ADCY5: variants seen among roughly 807,000 people sequenced by gnomAD.
ADCY5 encodes the protein adenylate cyclase type 5.
In ADCY5, 30 loss-of-function variants were observed where a neutral mutation model predicts 119.7. The observed-to-expected ratio is 0.25, with a 90% CI of 0.19 to 0.34. ADCY5 has a LOEUF of 0.34. Ranked by LOEUF, ADCY5 falls within the 10% of genes least tolerant of loss-of-function variation. ADCY5 has a pLI of 1.00. For missense variants in ADCY5, 1,324 were observed against 1,775.2 expected (o/e 0.75, Z 4.57); for synonymous variants, 753 against 762.2 (o/e 0.99, Z 0.20).
At chr3:123,405,092 TG>T (rs1944866738) in intron 1 of ADCY5, among the ~76,000 whole-genome samples, 1 of 152,246 alleles carries the variant, frequency 6.6e-6, no homozygotes, top group African/African-American at 2.4e-5. Context: ...CGACAGCTGC[TG>T]GAAGTGCCAC....
chr3:123,422,045 G>A (rs1945313536), intron 1 of ADCY5, among the ~76,000 whole-genome samples: 1 of 152,126 alleles, frequency 6.6e-6, no homozygotes, highest in Non-Finnish European at 1.5e-5. Context: ...GCCACTCCAG[G>A]GACAGCACAG....
chr3:123,429,368 C>T (rs998691037), intron 1 of ADCY5, among the ~76,000 whole-genome samples: 9 of 152,158 alleles, frequency 5.9e-5, no homozygotes, highest in African/African-American at 2.2e-4. Flanking sequence ...AGGATACTTC[C>T]AAATCCAGAG....
intron 3 of ADCY5, 25 bp from the exon 4 acceptor site, chr3:123,332,700 A>C (rs1436461684): frequency 1.4e-6 from 2 of 1,452,428 alleles, no homozygotes; most frequent in Non-Finnish European, 1.9e-6. Flanking sequence ...GAGGAGGAAG[A>C]CCCTGCTATA....
In ADCY5 at chr3:123,447,476, A is replaced by T; in HGVS notation, c.1070T>A (p.Leu357Gln). Reference protein sequence around the residue: ...MRAAVLSGVLLSALHLAIALR... With the variant: ...MRAAVLSGVLQSALHLAIALR... ...GGCGATGGCCAGGTGGAGGGCGGAC[A>T]GGAGCACCCCGCTGAGCACTGCGGC... Residue 357 changes from leucine (L) to glutamine (Q), a missense_variant, in exon 1 of 21, where the codon CTG becomes CAG. Around this residue, in one of 6 missense-constraint regions of ADCY5, gnomAD observed 585 missense variants for 569.9 expected, o/e 1.03. Coordinates refer to ENST00000462833, the MANE Select transcript of ADCY5 (RefSeq NM_183357.3). 1 of 1,611,352 alleles carries T rather than the reference A, an allele frequency of 6.2e-7. No individual in the cohort carries two copies.
intron 3 of ADCY5, among the ~76,000 whole-genome samples, chr3:123,334,557 G>A (rs1398998212): frequency 6.6e-6 from 1 of 152,068 alleles, no homozygotes; most frequent in Non-Finnish European, 1.5e-5. Context: ...GGCCAACATG[G>A]CAAAACCCCA....
At chr3:123,294,742 C>A (rs1009461777) in intron 17 of ADCY5, among the ~76,000 whole-genome samples, 3 of 152,172 alleles carry the variant, frequency 2.0e-5, no homozygotes, top group African/African-American at 7.2e-5. Context: ...AGGGGCCTGC[C>A]GCACCCCTGC....
chr3:123,418,535 G>A (rs960549846), intron 1 of ADCY5, among the ~76,000 whole-genome samples: 2 of 152,204 alleles, frequency 1.3e-5, no homozygotes, highest in Admixed American at 1.3e-4. Context: ...AGATACGTGT[G>A]AAGGAACAAA....
In ADCY5 at chr3:123,304,529, T is replaced by A. The variant is rs191658082; in HGVS notation, c.2443-346A>T. Among the ~76,000 whole-genome samples, 531 of 151,774 alleles carry A rather than the reference T, an allele frequency of 3.5e-3. 4 individuals carry two copies. Among genetic ancestry groups the A allele is most frequent in the Middle Eastern group, 0.014 (4 of 294 alleles). On this transcript the variant is annotated intron_variant, in intron 12 of 20. Coordinates refer to ENST00000462833, the MANE Select transcript of ADCY5 (RefSeq NM_183357.3). ...GCTGTGTGCCATCAGGGAGGGGCGG[T>A]GGGTGGCAGCTGAGGAGTCGTGGAG...
chr3:123,409,661 C>T (rs1409552619), intron 1 of ADCY5, among the ~76,000 whole-genome samples: 1 of 152,200 alleles, frequency 6.6e-6, no homozygotes, highest in African/African-American at 2.4e-5. Context: ...TTGGGCTCCA[C>T]CTCTGACCTT....
chr3:123,305,357 A>T lies in ADCY5; in HGVS notation c.2443-1174T>A, dbSNP rs116199808. 7.8e-3 allele frequency among the ~76,000 whole-genome samples: 1,189 copies of T among 152,332 alleles called. 21 individuals carry two copies. The highest frequency in any genetic ancestry group is 0.026 in the African/African-American group (1,090 of 41,572). Reference sequence around the variant, plus strand: ...ACACTGACAGACAGCTAAGTAGGTCATGGGGCCATAGCATGACCACCATGT... The same window carrying T: ...ACACTGACAGACAGCTAAGTAGGTCTTGGGGCCATAGCATGACCACCATGT... On this transcript the variant is annotated intron_variant, in intron 12 of 20. Transcript: ENST00000462833.
chr3:123,422,564 G>C (rs1005149851), intron 1 of ADCY5, among the ~76,000 whole-genome samples: 2 of 152,116 alleles, frequency 1.3e-5, no homozygotes, highest in African/African-American at 4.8e-5. Context: ...GGAATGCCCC[G>C]GCACCTACCA....
At chr3:123,315,864 C>T (rs1379897781) in intron 11 of ADCY5, among the ~76,000 whole-genome samples, 20 of 152,254 alleles carry the variant, frequency 1.3e-4, no homozygotes, top group Admixed American at 1.2e-3. Context: ...GGATTACAGA[C>T]GTGAGCCACT....
chr3:123,409,568 C>G lies in ADCY5; in HGVS notation c.1134+37844G>C, dbSNP rs564695891. Among the ~76,000 whole-genome samples the G allele has an allele frequency of 9.2e-5, 14 of 152,334 alleles. No homozygotes were observed. The East Asian group carries it at 2.5e-3, about 27-fold the overall frequency. On this transcript the variant is annotated intron_variant, in intron 1 of 20. Transcript: ENST00000462833. ...CCACCAAAAATCCTCAACTGATTAT[C>G]TAGCACAGTGGTTCTCCAAGTGGGA...
chr3:123,395,345 C>T (rs1202475413), intron 1 of ADCY5, among the ~76,000 whole-genome samples: 3 of 152,228 alleles, frequency 2.0e-5, no homozygotes, highest in Non-Finnish European at 2.9e-5. Flanking sequence ...CTTCACAGCA[C>T]CTGTTCAGCC....
chr3:123,336,353 G>A (rs889769707), intron 3 of ADCY5, among the ~76,000 whole-genome samples: 1 of 152,230 alleles, frequency 6.6e-6, no homozygotes, highest in African/African-American at 2.4e-5. Flanking sequence ...CAAAACCAAG[G>A]GAAGCTGGGG....
intron 1 of ADCY5, among the ~76,000 whole-genome samples, chr3:123,368,951 A>T (rs781153040): frequency 4.6e-5 from 7 of 151,948 alleles, no homozygotes; most frequent in Non-Finnish European, 1.0e-4. Flanking sequence ...ACAGTCCCAG[A>T]CCCCCAGTTG....
Position 123,426,312 on chromosome 3 carries a change from TTG to T in ADCY5, c.1134+21098_1134+21099del, listed in dbSNP as rs1553748984. Among the ~76,000 whole-genome samples, 951 of 47,122 alleles carry T rather than the reference TTG, an allele frequency of 0.02. 11 individuals carry two copies. In the East Asian group the frequency reaches 0.3, roughly 15 times the overall value. 30.9% of individuals were successfully genotyped at this position (47,122 alleles called of 152,430 possible). On this transcript the variant is annotated intron_variant, in intron 1 of 20. Transcript: ENST00000462833. ...CTTTTCTTTTGTGTTTTTTTTTTGT[TTG>T]TTTTTGTTTGTTTGTTTGTTTGTTT... is the stretch of plus-strand genomic sequence containing the variant.
intron 17 of ADCY5, among the ~76,000 whole-genome samples, chr3:123,295,615 G>A (rs532137371): frequency 3.9e-5 from 6 of 152,300 alleles, no homozygotes; most frequent in African/African-American, 9.6e-5. Flanking sequence ...GTCAAGCCCT[G>A]CTCAGAAACC....
At position 123,332,439 on chromosome 3, in the gene ADCY5, G is replaced by C. The variant is rs554340339; in HGVS notation, c.1518+125C>G. ...GGTCCCCTCTGCCCATCACCAGCAG[G>C]CTCTGCTCAGCAGGATATACCCAGG... is the stretch of plus-strand genomic sequence containing the variant. On this transcript the variant is annotated intron_variant, in intron 4 of 20. Coordinates refer to ENST00000462833, the MANE Select transcript of ADCY5 (RefSeq NM_183357.3). 1.1e-5 allele frequency: 8 copies of C among 708,712 alleles called. No individual in the cohort carries two copies. In the East Asian group the frequency reaches 1.9e-4, roughly 17 times the overall value. 43.9% of individuals were successfully genotyped at this position (708,712 alleles called of 1,614,324 possible).
Sources: allele counts gnomAD v4.1 joint callset (sites outside exome capture counted in the v4.1 genomes callset), GRCh38; gene constraint gnomAD v4.1.1; regional missense constraint gnomAD v4.1.1; transcripts MANE v1.5; gene names NCBI Gene and HGNC (gene_info 2026-07-23, HGNC 2026-07-21).